Variants in RUNX1T1 observed in about 807,000 individuals in gnomAD.
RUNX1T1 encodes RUNX1 partner transcriptional co-repressor 1.
Under a neutral mutation model 62.8 loss-of-function variants are expected in RUNX1T1, and 4 were observed. The observed-to-expected ratio is 0.06, with a 90% CI of 0.03 to 0.15. RUNX1T1 has a LOEUF of 0.15. Among genes scored for constraint, RUNX1T1 ranks in the 10% least tolerant of loss-of-function variants. The probability of loss-of-function intolerance (pLI) is 1.00; values close to 1 mark genes in which losing one functional copy is unlikely to be tolerated. For synonymous variants in RUNX1T1, 291 were observed against 286.0 expected (o/e 1.02, Z -0.18); for missense variants, 508 against 754.3 (o/e 0.67, Z 3.82).
At chr8:92,091,118 T>C (rs572726726) in intron 1 of RUNX1T1, among the ~76,000 whole-genome samples, 157 of 152,284 alleles carry the variant, frequency 1.0e-3, no homozygotes, top group Admixed American at 5.2e-4. Context: ...GGTGCTTAGA[T>C]TGCTGGAGAC....
intron 1 of RUNX1T1, among the ~76,000 whole-genome samples, chr8:92,078,943 T>G (rs1834832078): frequency 1.3e-5 from 2 of 152,354 alleles, no homozygotes; most frequent in Non-Finnish European, 1.5e-5. Context: ...GGCAAATCAT[T>G]CTTGTATCAG....
chr8:92,058,530 T>C (rs994494037), intron 1 of RUNX1T1, among the ~76,000 whole-genome samples: 1 of 152,154 alleles, frequency 6.6e-6, no homozygotes, highest in Non-Finnish European at 1.5e-5. Flanking sequence ...TATGCTAACA[T>C]GATTTAATGT....
chr8:92,004,262 T>C (rs943713932), intron 5 of RUNX1T1, among the ~76,000 whole-genome samples: 1 of 152,214 alleles, frequency 6.6e-6, no homozygotes, highest in African/African-American at 2.4e-5. Context: ...GAAAGCAAAG[T>C]ATATGCTAAA....
chr8:92,027,428 G>A (rs1461081452), intron 1 of RUNX1T1, among the ~76,000 whole-genome samples: 1 of 152,194 alleles, frequency 6.6e-6, no homozygotes, highest in Non-Finnish European at 1.5e-5. Flanking sequence ...AGCCCAAAGG[G>A]ATGGGGAGCA....
At chr8:91,979,635 T>C in intron 8 of RUNX1T1, 2 of 292,630 alleles carry the variant, frequency 6.8e-6, no homozygotes, top group Middle Eastern at 9.9e-4. Context: ...TGGATGAGGA[T>C]GAAGGGAGCC....
At chr8:92,028,791 C>T (rs890726825) in intron 1 of RUNX1T1, among the ~76,000 whole-genome samples, 4 of 152,124 alleles carry the variant, frequency 2.6e-5, no homozygotes, top group African/African-American at 9.7e-5. Flanking sequence ...TGCATGTTAT[C>T]ACAAGGGCCC....
intron 10 of RUNX1T1, among the ~76,000 whole-genome samples, chr8:91,961,713 T>C (rs747700225): frequency 2.6e-5 from 4 of 152,224 alleles, no homozygotes; most frequent in African/African-American, 4.8e-5. Flanking sequence ...AATGTTTAAA[T>C]GTTCCTAGTT....
At chr8:92,061,039 A>C (rs1831953582) in intron 1 of RUNX1T1, among the ~76,000 whole-genome samples, 1 of 152,194 alleles carries the variant, frequency 6.6e-6, no homozygotes, top group African/African-American at 2.4e-5. Context: ...CTAAATCCCT[A>C]AATATAGTTC....
At chr8:92,090,026 T>G (rs192065309) in intron 1 of RUNX1T1, among the ~76,000 whole-genome samples, 1 of 150,114 alleles carries the variant, frequency 6.7e-6, no homozygotes, top group Admixed American at 6.6e-5. Flanking sequence ...CTTGTCCGTA[T>G]GAGAGTTGGG....
At chr8:92,062,058 G>T (rs1475989084) in intron 1 of RUNX1T1, among the ~76,000 whole-genome samples, 1 of 152,162 alleles carries the variant, frequency 6.6e-6, no homozygotes, top group African/African-American at 2.4e-5. Flanking sequence ...CTGTGATTTA[G>T]GACAAGACTG....
intron 1 of RUNX1T1, among the ~76,000 whole-genome samples, chr8:92,026,872 C>T (rs934029112): frequency 2.0e-5 from 3 of 150,884 alleles, no homozygotes; most frequent in African/African-American, 7.3e-5. Flanking sequence ...AATCCCAGCA[C>T]TTTGGGAGGC....
exon 9 of RUNX1T1, chr8:91,975,950 T>G: frequency 6.2e-7 from 1 of 1,613,494 alleles, no homozygotes; most frequent in Non-Finnish European, 8.5e-7. Flanking sequence ...GACGCAGGCC[T>G]GTGAAGGAAT....
downstream of RUNX1T1, chr8:91,958,728 C>CAAAAAAA (rs34044770): frequency 1.6e-5 from 2 of 128,958 alleles, no homozygotes; most frequent in Non-Finnish European, 1.6e-5. Context: ...AGAATTTGCT[C>CAAAAAAA]AAAAAAAAAA....
chr8:92,031,652 T>C (rs1826248611), intron 1 of RUNX1T1, among the ~76,000 whole-genome samples: 1 of 152,128 alleles, frequency 6.6e-6, no homozygotes, highest in Non-Finnish European at 1.5e-5. Context: ...TTTTTTTTTG[T>C]AGAGGTTTAG....
chr8:92,006,630 C>T (rs149205444), intron 4 of RUNX1T1: 19 of 151,676 alleles, frequency 1.3e-4, no homozygotes, highest in Non-Finnish European at 2.2e-4. Flanking sequence ...AAGTTTCTGG[C>T]CTATATCATT....
intron 5 of RUNX1T1, among the ~76,000 whole-genome samples, chr8:92,001,240 T>A (rs1819694055): frequency 6.6e-6 from 1 of 151,890 alleles, no homozygotes; most frequent in Non-Finnish European, 1.5e-5. Context: ...TGGTATGAAA[T>A]GTAAAAAGGC....
intron 7 of RUNX1T1, 108 bp downstream of exon 8, chr8:91,986,767 TCAAGGATAGCAG>T: frequency 2.8e-6 from 2 of 701,774 alleles, no homozygotes; most frequent in Admixed American, 2.3e-5. Flanking sequence ...CATTTTTTTT[TCAAGGATAGCAG>T]GAAAAACAAT....
At chr8:92,103,095 C>G (rs1808448171), upstream of RUNX1T1, 1 of 431,108 alleles carries the variant, frequency 2.3e-6, no homozygotes, top group Non-Finnish European at 3.9e-6. Flanking sequence ...TGCAAAAAGC[C>G]CGGGGTCGGG....
intron 1 of RUNX1T1, among the ~76,000 whole-genome samples, chr8:92,055,868 G>A (rs1463215567): frequency 6.6e-6 from 1 of 152,126 alleles, no homozygotes; most frequent in Non-Finnish European, 1.5e-5. Flanking sequence ...CAAAAAGAAA[G>A]AAAATAAATG....
Sources: allele counts gnomAD v4.1 joint callset (sites outside exome capture counted in the v4.1 genomes callset), GRCh38; gene constraint gnomAD v4.1.1; transcripts MANE v1.5; gene names NCBI Gene and HGNC (gene_info 2026-07-23, HGNC 2026-07-21).